The following EPHA7 variants were observed in gnomAD, a reference collection of about 807,000 sequenced individuals.
The protein encoded by EPHA7 is EPH receptor A7.
A neutral mutation model predicts 112.6 loss-of-function variants in EPHA7; 25 were observed. The ratio of observed to expected loss-of-function variants is 0.22; its 90% CI spans 0.16 to 0.31. The LOEUF (loss-of-function observed/expected upper bound fraction) is 0.31. EPHA7 is among the 10% of genes least tolerant of loss of function. The pLI, the probability that EPHA7 is intolerant of heterozygous loss-of-function variation, is 1.00. For synonymous variants in EPHA7, 437 were observed against 406.5 expected, an observed-to-expected ratio of 1.07 and a Z score of -0.90; for missense variants, 962 against 1,212.6, an observed-to-expected ratio of 0.79 and a Z score of 3.07.
intron 3 of EPHA7, among the ~76,000 whole-genome samples, chr6:93,369,345 A>G (rs1292476981): frequency 6.6e-6 from 1 of 152,150 alleles, no homozygotes; most frequent in East Asian, 1.9e-4. Context: ...ACCCAAATAA[A>G]TAATTTGCCA....
Position 93,245,409 on chromosome 6 carries a change from G to T in EPHA7, c.2771C>A (p.Thr924Asn), listed in dbSNP as rs752942156. 2.5e-6 allele frequency: 4 copies of T among 1,613,628 alleles called. No homozygotes were observed. Among genetic ancestry groups the T allele is most frequent in the African/African-American group, 2.7e-5 (2 of 74,908 alleles). Residue 924 changes from threonine (T) to asparagine (N), a missense_variant, in exon 16 of 17, where the codon ACC becomes AAC. This residue lies in a region of EPHA7 where 746 missense variants were observed against 889.2 expected (regional missense o/e 0.84). Transcript: ENST00000369303. ...TAGCCATTCTCCAACTGAACAAAAGGTAGTGAAATCAGGAGTGTTTTGATC... is the reference window on the plus strand; with the variant it reads ...TAGCCATTCTCCAACTGAACAAAAGTTAGTGAAATCAGGAGTGTTTTGATC... ...LLDQNTPDFT[T>N]FCSVGEWLQA...
chr6:93,260,913 G>A (rs1770658971), intron 9 of EPHA7: 1 of 188,038 alleles, frequency 5.3e-6, no homozygotes, highest in African/African-American at 2.4e-5. Flanking sequence ...TAACCTCCTA[G>A]ATTGGCAGGC....
At chr6:93,261,108 T>A (rs1770670922) in intron 9 of EPHA7, among the ~76,000 whole-genome samples, 1 of 151,600 alleles carries the variant, frequency 6.6e-6, no homozygotes, top group African/African-American at 2.4e-5. Flanking sequence ...CATAAAAACA[T>A]GAAATACTGC....
At chr6:93,293,512 G>A (rs1257495954) in intron 5 of EPHA7, among the ~76,000 whole-genome samples, 2 of 152,056 alleles carry the variant, frequency 1.3e-5, no homozygotes, top group African/African-American at 4.8e-5. Flanking sequence ...ATGGAATCCT[G>A]TTTTTCTTTG....
chr6:93,365,083 A>C (rs1776442315), intron 3 of EPHA7, among the ~76,000 whole-genome samples: 1 of 152,332 alleles, frequency 6.6e-6, no homozygotes, highest in East Asian at 1.9e-4. Flanking sequence ...CTTGAGCTAA[A>C]GGAATACAAC....
chr6:93,374,463 T>C (rs1420650130), intron 3 of EPHA7, among the ~76,000 whole-genome samples: 1 of 152,250 alleles, frequency 6.6e-6, no homozygotes, highest in Admixed American at 6.5e-5. Flanking sequence ...ATATTACCTT[T>C]ATATTTCACA....
chr6:93,379,435 G>A (rs1261831801), intron 3 of EPHA7, among the ~76,000 whole-genome samples: 1 of 151,962 alleles, frequency 6.6e-6, no homozygotes, highest in Non-Finnish European at 1.5e-5. Context: ...TAACTTTAGA[G>A]CATTATAATA....
intron 5 of EPHA7, among the ~76,000 whole-genome samples, chr6:93,339,375 A>G (rs1775032142): frequency 1.3e-5 from 2 of 151,792 alleles, no homozygotes; most frequent in African/African-American, 4.8e-5. Context: ...AATCAGCATT[A>G]TTTTGTTACT....
chr6:93,389,524 T>C (rs1777798139), intron 3 of EPHA7, among the ~76,000 whole-genome samples: 1 of 152,006 alleles, frequency 6.6e-6, no homozygotes. Context: ...TAATCTGAAA[T>C]ATGTCTCAAA....
intron 5 of EPHA7, among the ~76,000 whole-genome samples, chr6:93,330,037 A>G (rs1406556678): frequency 1.3e-5 from 2 of 151,374 alleles, no homozygotes; most frequent in African/African-American, 4.8e-5. Flanking sequence ...CAGTGGAATG[A>G]GAGAAGGAGA....
At chr6:93,255,347 TCAACAACAA>T (rs34956295) in intron 13 of EPHA7, among the ~76,000 whole-genome samples, 3 of 150,414 alleles carry the variant, frequency 2.0e-5, no homozygotes, top group Non-Finnish European at 4.4e-5. Flanking sequence ...AAACTCCATC[TCAACAACAA>T]CAACAACAAC....
intron 3 of EPHA7, among the ~76,000 whole-genome samples, chr6:93,360,667 A>G (rs1244745491): frequency 6.6e-6 from 1 of 152,118 alleles, no homozygotes; most frequent in East Asian, 1.9e-4. Flanking sequence ...CTCAACTTAC[A>G]TGATTTCAAG....
intron 3 of EPHA7, among the ~76,000 whole-genome samples, chr6:93,386,252 T>G (rs1777599358): frequency 6.6e-6 from 1 of 152,120 alleles, no homozygotes; most frequent in Non-Finnish European, 1.5e-5. Flanking sequence ...TATGAGCCTG[T>G]AAAATCAAAT....
At chr6:93,291,778 A>AAAAAAAAAT in intron 5 of EPHA7, among the ~76,000 whole-genome samples, 1 of 150,570 alleles carries the variant, frequency 6.6e-6, no homozygotes, top group African/African-American at 2.4e-5. Flanking sequence ...AAAAAAAAAA[A>AAAAAAAAAT]AAAAAAAAAT....
intron 5 of EPHA7, among the ~76,000 whole-genome samples, chr6:93,285,644 A>G (rs1772024510): frequency 6.6e-6 from 1 of 151,678 alleles, no homozygotes; most frequent in Admixed American, 6.5e-5. Context: ...TACAGGAATG[A>G]AGATCTCCCT....
intron 5 of EPHA7, among the ~76,000 whole-genome samples, chr6:93,303,065 T>C (rs1773071977): frequency 6.6e-6 from 1 of 152,102 alleles, no homozygotes; most frequent in South Asian, 2.1e-4. Context: ...ATGTACTGTG[T>C]AGGCATACAA....
At chr6:93,246,057 TC>T (rs1230751405) in intron 15 of EPHA7, among the ~76,000 whole-genome samples, 4 of 150,338 alleles carry the variant, frequency 2.7e-5, no homozygotes, top group Non-Finnish European at 5.9e-5. Flanking sequence ...TTTTTTCTTT[TC>T]TTTTTTTTTT....
chr6:93,411,465 T>C (rs1010549275), intron 2 of EPHA7, among the ~76,000 whole-genome samples: 1 of 152,132 alleles, frequency 6.6e-6, no homozygotes, highest in Admixed American at 6.6e-5. Context: ...ATGTTCTCCA[T>C]TGAGATTATA....
chr6:93,416,914 C>A (rs1779262852), intron 1 of EPHA7, among the ~76,000 whole-genome samples: 1 of 152,074 alleles, frequency 6.6e-6, no homozygotes, highest in African/African-American at 2.4e-5. Context: ...GCCAGACGGG[C>A]GCGCCAGCCG....
Sources: gnomAD v4.1 joint callset for allele counts (sites outside exome capture counted in the v4.1 genomes callset) on GRCh38, gnomAD v4.1.1 for gene constraint, gnomAD v4.1.1 regional missense constraint, MANE v1.5 for transcripts, NCBI Gene and HGNC (gene_info 2026-07-23, HGNC 2026-07-21) for gene names.